CDC14A: variants seen among roughly 807,000 people sequenced by gnomAD.
CDC14A encodes the protein cell division cycle 14A.
Under a neutral mutation model 74.4 loss-of-function variants are expected in CDC14A, and 53 were observed. The observed-to-expected ratio is 0.71, with a 90% CI of 0.57 to 0.89. The LOEUF (loss-of-function observed/expected upper bound fraction) is 0.89, where lower values mean the gene tolerates loss of function less well. CDC14A is among the 40% of genes least tolerant of loss of function. The pLI, the probability that CDC14A is intolerant of heterozygous loss-of-function variation, is 0.00. For missense variants in CDC14A, 646 were observed against 713.7 expected, an observed-to-expected ratio of 0.91 and a Z score of 1.08; for synonymous variants, 247 against 258.4, an observed-to-expected ratio of 0.96 and a Z score of 0.43.
chr1:100,442,364 AG>A (rs1164392418), intron 6 of CDC14A, among the ~76,000 whole-genome samples: 1 of 146,272 alleles, frequency 6.8e-6, no homozygotes, highest in Non-Finnish European at 1.5e-5. Context: ...TATTATATAT[AG>A]TATATATAAA....
chr1:100,482,209 A>G (rs958024214), intron 10 of CDC14A, among the ~76,000 whole-genome samples: 2 of 152,292 alleles, frequency 1.3e-5, no homozygotes, highest in East Asian at 1.9e-4. Context: ...ATTTTTTTCA[A>G]CTAGCCTCTT....
intron 7 of CDC14A, among the ~76,000 whole-genome samples, chr1:100,451,360 G>A (rs1305952522): frequency 1.8e-4 from 28 of 152,194 alleles, no homozygotes; most frequent in Admixed American, 1.7e-3. Flanking sequence ...AGGTGAAGCA[G>A]TCATCCACAT....
intron 4 of CDC14A, among the ~76,000 whole-genome samples, chr1:100,419,445 A>T (rs542450152): frequency 6.6e-6 from 1 of 152,336 alleles, no homozygotes; most frequent in Non-Finnish European, 1.5e-5. Flanking sequence ...TTTTCTTCTT[A>T]TATCTGCCCA....
chr1:100,459,095 A>G (rs1053379672), intron 8 of CDC14A, among the ~76,000 whole-genome samples: 91 of 135,438 alleles, frequency 6.7e-4, no homozygotes, highest in Non-Finnish European at 1.3e-3. Flanking sequence ...AAACACACAC[A>G]CACACGCACA....
chr1:100,371,740 C>CA (rs1236090163), intron 2 of CDC14A, among the ~76,000 whole-genome samples: 1 of 151,832 alleles, frequency 6.6e-6, no homozygotes, highest in African/African-American at 2.4e-5. Context: ...TTTGCTTTCC[C>CA]AAAATTTATT....
chr1:100,485,014 G>T, intron 11 of CDC14A: 1 of 985,092 alleles, frequency 1.0e-6, no homozygotes, highest in Non-Finnish European at 1.2e-6. Context: ...TATCAGAGAT[G>T]TTCTAACCTC....
chr1:100,499,396 G>C (rs753003774), intron 15 of CDC14A, 134 bp downstream of exon 15: 4 of 1,592,332 alleles, frequency 2.5e-6, no homozygotes, highest in Non-Finnish European at 3.4e-6. Context: ...CCTTCCCTCT[G>C]TGCTGTGAAA....
chr1:100,455,375 T>G (rs747826335), intron 7 of CDC14A, 30 bp from the exon 8 acceptor site: 2 of 1,402,126 alleles, frequency 1.4e-6, no homozygotes, highest in South Asian at 2.5e-5. Context: ...TAAAATATTT[T>G]TCTTCTCTTT....
intron 4 of CDC14A, among the ~76,000 whole-genome samples, chr1:100,422,744 A>G (rs17122447): frequency 0.013 from 1,922 of 152,328 alleles, 40 homozygotes; most frequent in African/African-American, 0.044. Flanking sequence ...TTTACTTGCC[A>G]AATGAATATG....
intron 4 of CDC14A, among the ~76,000 whole-genome samples, chr1:100,410,446 C>T (rs948979021): frequency 2.0e-5 from 3 of 152,036 alleles, no homozygotes; most frequent in Non-Finnish European, 1.5e-5. Context: ...CTCAGCCTCC[C>T]GGGTAGCTGG....
chr1:100,372,738 C>G (rs533163972), intron 2 of CDC14A, among the ~76,000 whole-genome samples: 1 of 152,360 alleles, frequency 6.6e-6, no homozygotes, highest in East Asian at 1.9e-4. Context: ...CAACATCTTT[C>G]AAACTCCTGT....
intron 4 of CDC14A, chr1:100,393,114 A>G (rs1571047754): frequency 1.4e-6 from 2 of 1,462,510 alleles, no homozygotes; most frequent in East Asian, 4.5e-5. Context: ...CTAGTTGAAA[A>G]ATAGTCCGTT....
rs1174887076 is a variant in CDC14A, at chr1:100,508,920, T to A, written c.1756-9331T>A. Among the ~76,000 whole-genome samples the A allele has an allele frequency of 6.6e-6, 1 of 152,144 alleles. No homozygotes were observed. The highest frequency in any genetic ancestry group is 1.5e-5 in the Non-Finnish European group (1 of 68,016). ...TTCTTTCTTCTTCATCTTTAAAAAA[T>A]ATTTAATGCATGCATCCAGAGGGTA... is the stretch of plus-strand genomic sequence containing the variant. On this transcript the variant is annotated intron_variant, in intron 15 of 15. Transcript: ENST00000336454. The surrounding 1 kb of genome is among the most constrained non-coding windows in gnomAD (Gnocchi z 4.4).
At chr1:100,420,063 C>CACACACACACACACACATATATATAT in intron 4 of CDC14A, among the ~76,000 whole-genome samples, 1 of 61,566 alleles carries the variant, frequency 1.6e-5, no homozygotes, top group Admixed American at 2.3e-4. Context: ...CACACACACA[C>CACACACACACACACACATATATATAT]ATATATATAT....
At chr1:100,443,358 G>A (rs946382761) in intron 7 of CDC14A, among the ~76,000 whole-genome samples, 21 of 151,522 alleles carry the variant, frequency 1.4e-4, no homozygotes, top group East Asian at 5.8e-4. Context: ...TTTTTGAGGC[G>A]GTGTCTAGCT....
intron 4 of CDC14A, among the ~76,000 whole-genome samples, chr1:100,403,509 C>T (rs2101018737): frequency 6.6e-6 from 1 of 152,302 alleles, no homozygotes; most frequent in South Asian, 2.1e-4. Flanking sequence ...TTGCAATTAA[C>T]ATGAATGGCT....
chr1:100,433,116 G>A (rs1219012580), intron 5 of CDC14A, among the ~76,000 whole-genome samples: 2 of 151,916 alleles, frequency 1.3e-5, no homozygotes, highest in Non-Finnish European at 2.9e-5. Context: ...CTGGGCTCAA[G>A]CAATCCTCCT....
chr1:100,404,853 AAAACAAAAC>A (rs1288956697), intron 4 of CDC14A, among the ~76,000 whole-genome samples: 2 of 149,356 alleles, frequency 1.3e-5, no homozygotes, highest in African/African-American at 5.0e-5. Flanking sequence ...AAAACAAAAC[AAAACAAAAC>A]AAAAAACTAA....
intron 4 of CDC14A, among the ~76,000 whole-genome samples, chr1:100,392,069 C>T (rs988680951): frequency 3.9e-5 from 6 of 152,114 alleles, no homozygotes; most frequent in South Asian, 2.1e-4. Flanking sequence ...TTTCCTTATC[C>T]GCAAAATGAG....
Sources: allele counts gnomAD v4.1 joint callset (sites outside exome capture counted in the v4.1 genomes callset), GRCh38; gene constraint gnomAD v4.1.1; non-coding constraint Gnocchi (gnomAD v3.1); transcripts MANE v1.5; gene names NCBI Gene and HGNC (gene_info 2026-07-23, HGNC 2026-07-21).